CRYBG1: variants seen among roughly 807,000 people sequenced by gnomAD.
CRYBG1 encodes the protein crystallin beta-gamma domain containing 1.
CRYBG1 carries 139 observed loss-of-function variants against 189.2 expected under a neutral mutation model. The observed-to-expected ratio is 0.73, with a 90% CI of 0.64 to 0.85. The LOEUF (loss-of-function observed/expected upper bound fraction) is 0.85. Among genes scored for constraint, CRYBG1 ranks in the 40% least tolerant of loss-of-function variants. The pLI is 0.00. For synonymous variants in CRYBG1, 1,023 were observed against 1,017.1 expected, an observed-to-expected ratio of 1.01 and a Z score of -0.11; for missense variants, 2,611 against 2,675.8, an observed-to-expected ratio of 0.98 and a Z score of 0.53.
In CRYBG1 at chr6:106,440,243, CCT is replaced by C. The variant is rs34075891; in HGVS notation, c.174-11426_174-11425del. ...CTTATTTGAAGCACTTTCCTTTCTT[CCT>C]CTCTCTCTCTCTCTCTCTCTCTCTT... is the stretch of plus-strand genomic sequence containing the variant. On this transcript the variant is annotated intron_variant, in intron 1 of 21. Coordinates refer to ENST00000633556, the MANE Select transcript of CRYBG1 (RefSeq NM_001371242.2). Among the ~76,000 whole-genome samples, 191 of 147,548 alleles carry C rather than the reference CCT, an allele frequency of 1.3e-3. 1 individual carries two copies. The highest frequency in any genetic ancestry group is 5.6e-3 in the South Asian group (26 of 4,630).
At chr6:106,429,103 C>A (rs115589174) in intron 1 of CRYBG1, among the ~76,000 whole-genome samples, 3,881 of 142,380 alleles carry the variant, frequency 0.027, 164 homozygotes, top group African/African-American at 0.091. Context: ...GAGTTGATGA[C>A]CTGAACATTT....
rs1255682650 is a variant in CRYBG1, at chr6:106,360,895, A to C, written c.-14A>C. On this transcript the variant is annotated 5_prime_UTR_variant, in exon 1 of 22. Coordinates refer to ENST00000633556, the MANE Select transcript of CRYBG1 (RefSeq NM_001371242.2). Reference sequence around the variant, plus strand: ...ACCGCGTCCCGGCAGTCGGAGCGGGAGGAGGACAAGACGATGCCGCTGTCC... The same window carrying C: ...ACCGCGTCCCGGCAGTCGGAGCGGGCGGAGGACAAGACGATGCCGCTGTCC... 1 of 1,524,122 alleles carries C rather than the reference A, an allele frequency of 6.6e-7. No homozygotes were observed. Among genetic ancestry groups the C allele is most frequent in the East Asian group, 2.5e-5 (1 of 40,132 alleles). The allele number at this position is 1,524,122 out of a possible 1,614,324, so 94.4% of individuals were successfully genotyped here. A position where few individuals can be genotyped will look rare whatever the true frequency, so the allele number is the denominator to read the frequency against.
chr6:106,360,914 G>T lies in CRYBG1; in HGVS notation c.6G>T (p.Pro2=), dbSNP rs1270048578. The T allele has an allele frequency of 3.3e-6, 5 of 1,532,422 alleles. No homozygotes were observed. The highest frequency in any genetic ancestry group is 2.5e-5 in the East Asian group (1 of 40,700). 94.9% of individuals were successfully genotyped at this position (1,532,422 alleles called of 1,614,324 possible). A position where few individuals can be genotyped will look rare whatever the true frequency, so the allele number is the denominator to read the frequency against. Residue 2 remains proline, a synonymous_variant, in exon 1 of 22, where the codon CCG becomes CCT. Transcript: ENST00000633556. M[P]LSPPAQGDPG... Reference sequence around the variant, plus strand: ...AGCGGGAGGAGGACAAGACGATGCCGCTGTCCCCGCCAGCCCAGGGCGACC... The same window carrying T: ...AGCGGGAGGAGGACAAGACGATGCCTCTGTCCCCGCCAGCCCAGGGCGACC...
At chr6:106,559,587 C>G (rs1449618216) in intron 18 of CRYBG1, among the ~76,000 whole-genome samples, 7 of 151,896 alleles carry the variant, frequency 4.6e-5, no homozygotes, top group Non-Finnish European at 1.0e-4. Flanking sequence ...AGTTCAGGAC[C>G]AGCCTGGCCA....
intron 4 of CRYBG1, 125 bp from the exon 5 acceptor site, chr6:106,525,008 G>A (rs1425863162): frequency 2.2e-6 from 2 of 914,564 alleles, no homozygotes; most frequent in Non-Finnish European, 1.7e-6. Flanking sequence ...ATCCATTAGA[G>A]TGGAGGTTTC....
At chr6:106,393,040 G>T (rs1309556221) in intron 1 of CRYBG1, among the ~76,000 whole-genome samples, 1 of 152,186 alleles carries the variant, frequency 6.6e-6, no homozygotes, top group Non-Finnish European at 1.5e-5. Flanking sequence ...CTCTCAAAGT[G>T]CTGGGATTAC....
chr6:106,482,248 T>C (rs1348777833), intron 2 of CRYBG1, among the ~76,000 whole-genome samples: 2 of 152,254 alleles, frequency 1.3e-5, no homozygotes, highest in African/African-American at 4.8e-5. Flanking sequence ...GCTTCAAATC[T>C]TCACCTCTTT....
At chr6:106,413,136 A>G (rs958351482) in intron 1 of CRYBG1, among the ~76,000 whole-genome samples, 14 of 152,048 alleles carry the variant, frequency 9.2e-5, no homozygotes, top group Admixed American at 3.9e-4. Context: ...GTAGTCTTCC[A>G]TCACCCCCAT....
At chr6:106,409,163 A>T (rs1311399423) in intron 1 of CRYBG1, among the ~76,000 whole-genome samples, 1 of 152,256 alleles carries the variant, frequency 6.6e-6, no homozygotes, top group African/African-American at 2.4e-5. Context: ...GCTGATAAAC[A>T]ACTTCAGCAA....
intron 3 of CRYBG1, among the ~76,000 whole-genome samples, chr6:106,513,457 G>T (rs1000171271): frequency 6.6e-6 from 1 of 152,182 alleles, no homozygotes. Flanking sequence ...TGTTAAATAC[G>T]ATCCAGTAGC....
intron 13 of CRYBG1, among the ~76,000 whole-genome samples, chr6:106,545,288 G>A (rs987248595): frequency 2.6e-5 from 4 of 152,186 alleles, no homozygotes; most frequent in African/African-American, 9.7e-5. Context: ...CAAAGTCCCA[G>A]TAGATTTTCC....
intron 1 of CRYBG1, among the ~76,000 whole-genome samples, chr6:106,370,004 G>A (rs1207456002): frequency 6.6e-6 from 1 of 152,114 alleles, no homozygotes; most frequent in African/African-American, 2.4e-5. Context: ...GGTTAATGGT[G>A]CTTTCTTTAT....
intron 1 of CRYBG1, among the ~76,000 whole-genome samples, chr6:106,372,672 G>T (rs1000311264): frequency 6.6e-6 from 1 of 152,190 alleles, no homozygotes; most frequent in Admixed American, 6.5e-5. Flanking sequence ...TGAAGGGAAA[G>T]GATTCTTTTT....
At chr6:106,390,346 G>A (rs909171399) in intron 1 of CRYBG1, among the ~76,000 whole-genome samples, 3 of 152,016 alleles carry the variant, frequency 2.0e-5, no homozygotes, top group African/African-American at 7.2e-5. Context: ...ATTGTCTAAA[G>A]CAGTGACATG....
chr6:106,517,994 A>G lies in CRYBG1; in HGVS notation c.1923-1137A>G, dbSNP rs371903394. On this transcript the variant is annotated intron_variant, in intron 3 of 21. Transcript: ENST00000633556. ...AAAACCAACAGTTGCATAATTGATA[A>G]GTAAATGACGGTACATCCATATGAT... Among the ~76,000 whole-genome samples, 260 of 152,354 alleles carry G rather than the reference A, an allele frequency of 1.7e-3. 1 individual carries two copies. Among genetic ancestry groups the G allele is most frequent in the African/African-American group, 6.0e-3 (251 of 41,578 alleles).
rs76476262 is a variant in CRYBG1, at chr6:106,539,823, A to G, written c.4845+294A>G. On this transcript the variant is annotated intron_variant, in intron 9 of 21. Transcript: ENST00000633556. ...CGCAGTGTAGGTTTAACAAGTGAGG[A>G]AAGTGAAGAATTAAACATTGGTGGA... Among the ~76,000 whole-genome samples, 119 of 152,352 alleles carry G rather than the reference A, an allele frequency of 7.8e-4. No homozygotes were observed. The East Asian group carries it at 0.022, about 28-fold the overall frequency.
At chr6:106,384,320 T>C (rs539633135) in intron 1 of CRYBG1, among the ~76,000 whole-genome samples, 34 of 152,314 alleles carry the variant, frequency 2.2e-4, no homozygotes, top group African/African-American at 7.7e-4. Flanking sequence ...GATTTTTCCA[T>C]AGACCGGGGG....
rs192606801 is a variant in CRYBG1, at chr6:106,497,269, G to A, written c.313-14161G>A. ...TCCTGAAGGTAGAAAGAAACTGAGT[G>A]GGAAAAGACATTCGATGTTGCATGA... is the stretch of plus-strand genomic sequence containing the variant. On this transcript the variant is annotated intron_variant, in intron 2 of 21. Coordinates refer to ENST00000633556, the MANE Select transcript of CRYBG1 (RefSeq NM_001371242.2). Among the ~76,000 whole-genome samples the A allele has an allele frequency of 2.6e-5, 4 of 152,214 alleles. No homozygotes were observed. In the East Asian group the frequency reaches 5.8e-4, roughly 22 times the overall value.
In CRYBG1 at chr6:106,512,870, G is replaced by T. The variant is rs763076972; in HGVS notation, c.1753G>T (p.Glu585Ter). ...SSSLLPEIKP[E>*]HKRGPLPNHF... Reference sequence around the variant, plus strand: ...CTCGCTGCTGCCGGAGATCAAGCCCGAGCACAAGAGGGGCCCGCTCCCCAA... The same window carrying T: ...CTCGCTGCTGCCGGAGATCAAGCCCTAGCACAAGAGGGGCCCGCTCCCCAA... Residue 585 changes from glutamate (E) to a stop codon, truncating the protein, a stop_gained, in exon 3 of 22, where the codon GAG (glutamate) becomes TAG (stop). Coordinates refer to ENST00000633556, the MANE Select transcript of CRYBG1 (RefSeq NM_001371242.2). LOFTEE classifies it high-confidence loss of function. 6.3e-7 allele frequency: 1 copy of T among 1,592,948 alleles called. No homozygotes were observed. Among genetic ancestry groups the T allele is most frequent in the Admixed American group, 1.8e-5 (1 of 57,086 alleles).
Sources: gnomAD v4.1 joint callset for allele counts (sites outside exome capture counted in the v4.1 genomes callset) on GRCh38, gnomAD v4.1.1 for gene constraint, MANE v1.5 for transcripts, NCBI Gene and HGNC (gene_info 2026-07-23, HGNC 2026-07-21) for gene names.